The following HDAC9 variants were observed in gnomAD, a reference collection of about 807,000 sequenced individuals.
The protein encoded by HDAC9 is histone deacetylase 9.
In HDAC9, 41 loss-of-function variants were observed where a neutral mutation model predicts 139.4. That is an observed-to-expected ratio of 0.29 (90% confidence interval 0.23 to 0.38). The LOEUF is 0.38. Among genes scored for constraint, HDAC9 ranks in the 10% least tolerant of loss-of-function variants. HDAC9 has a pLI of 1.00. For missense variants in HDAC9, 1,147 were observed against 1,297.0 expected (o/e 0.88, Z 1.78); for synonymous variants, 517 against 476.2 (o/e 1.09, Z -1.12).
chr7:18,944,287 T>A (rs1489873449), intron 23 of HDAC9, among the ~76,000 whole-genome samples: 1 of 152,210 alleles, frequency 6.6e-6, no homozygotes. Flanking sequence ...TCTTTGACTC[T>A]GACAACTGAA....
chr7:18,779,575 G>A (rs1018148207), intron 16 of HDAC9, among the ~76,000 whole-genome samples: 5 of 152,014 alleles, frequency 3.3e-5, no homozygotes, highest in African/African-American at 1.2e-4. Context: ...GCCTGAGTCT[G>A]AGAAACCAGC....
Position 18,666,300 on chromosome 7 carries a change from C to A in HDAC9, c.1555C>A (p.Gln519Lys). The change falls in exon 12 of 26, where the codon CAG becomes AAG. Residue 519 changes from glutamine to lysine, a missense_variant. By Grantham distance (53) the Gln-to-Lys change is moderately conservative. Coordinates refer to ENST00000686413, the MANE Select transcript of HDAC9 (RefSeq NM_178425.4). ...EEELQGDQAMQEDRAPSSGNS... is the reference protein window; with the variant it reads ...EEELQGDQAMKEDRAPSSGNS... The stretch of plus-strand genomic sequence containing the variant: ...AGAGCTTCAGGGGGACCAGGCGATG[C>A]AGGAAGACAGAGCGCCCTCTAGTGG... The A allele has an allele frequency of 5.6e-6, 9 of 1,613,458 alleles. No homozygotes were observed. The highest frequency in any genetic ancestry group is 7.6e-6 in the Non-Finnish European group (9 of 1,179,592).
intron 2 of HDAC9, among the ~76,000 whole-genome samples, chr7:18,207,149 G>C (rs1317421017): frequency 2.0e-5 from 3 of 151,866 alleles, no homozygotes; most frequent in African/African-American, 7.3e-5. Flanking sequence ...TGTTGCCCAG[G>C]GTGGTCTCGA....
intron 1 of HDAC9, among the ~76,000 whole-genome samples, chr7:18,334,264 AGT>A (rs1426656138): frequency 6.6e-6 from 1 of 151,428 alleles, no homozygotes; most frequent in Non-Finnish European, 1.5e-5. Context: ...TATAGGCAAA[AGT>A]GTAAGTATAA....
chr7:18,642,444 GC>G (rs1486157282), intron 8 of HDAC9, among the ~76,000 whole-genome samples: 2 of 152,118 alleles, frequency 1.3e-5, no homozygotes, highest in African/African-American at 4.8e-5. Context: ...AAATCTCATA[GC>G]CTTGGTCAGT....
chr7:18,911,100 C>T (rs1209101352), intron 22 of HDAC9, among the ~76,000 whole-genome samples: 1 of 146,058 alleles, frequency 6.8e-6, no homozygotes, highest in Non-Finnish European at 1.5e-5. Flanking sequence ...TGTTGGGAGA[C>T]TTTTTATTAC....
chr7:18,174,021 C>T (rs756194818), intron 2 of HDAC9, among the ~76,000 whole-genome samples: 22 of 152,148 alleles, frequency 1.4e-4, no homozygotes, highest in Non-Finnish European at 2.9e-4. Context: ...AAGTTCTCCT[C>T]GATAATATCC....
chr7:18,582,518 A>ATTT (rs776229512), intron 2 of HDAC9, among the ~76,000 whole-genome samples: 1 of 151,584 alleles, frequency 6.6e-6, no homozygotes, highest in African/African-American at 2.4e-5. Context: ...ATATATATAT[A>ATTT]TATTTTTTAA....
intron 22 of HDAC9, chr7:18,892,195 G>A (rs1800743657): frequency 6.6e-6 from 1 of 152,184 alleles, no homozygotes; most frequent in Admixed American, 6.5e-5. Context: ...GATGTCTTCA[G>A]TCGTCATCTG....
At chr7:18,734,668 C>T (rs562182245) in intron 13 of HDAC9, among the ~76,000 whole-genome samples, 2 of 152,254 alleles carry the variant, frequency 1.3e-5, no homozygotes, top group South Asian at 4.2e-4. Context: ...CCAGGTCTTT[C>T]CTGTTGTGAA....
intron 21 of HDAC9, among the ~76,000 whole-genome samples, chr7:18,873,689 T>C (rs971258494): frequency 2.0e-5 from 3 of 152,186 alleles, no homozygotes; most frequent in African/African-American, 7.2e-5. Flanking sequence ...TTTTTGAAAT[T>C]TGAATTTTTA....
intron 21 of HDAC9, among the ~76,000 whole-genome samples, chr7:18,846,000 C>T: frequency 6.6e-6 from 1 of 152,094 alleles, no homozygotes; most frequent in Admixed American, 6.6e-5. Flanking sequence ...TAGTGGGCTT[C>T]CTGGGGTGTG....
intron 2 of HDAC9, among the ~76,000 whole-genome samples, chr7:18,583,961 T>C (rs1441470976): frequency 6.6e-6 from 1 of 152,082 alleles, no homozygotes; most frequent in African/African-American, 2.4e-5. Context: ...TACACTGAAC[T>C]ACAGAATTTT....
At chr7:18,596,137 T>A (rs1275015192) in intron 6 of HDAC9, among the ~76,000 whole-genome samples, 1 of 152,016 alleles carries the variant, frequency 6.6e-6, no homozygotes, top group Non-Finnish European at 1.5e-5. Context: ...TCCTTTTATG[T>A]TGAAAATCTG....
chr7:18,477,050 CA>C (rs1795165417), intron 1 of HDAC9, among the ~76,000 whole-genome samples: 2 of 152,170 alleles, frequency 1.3e-5, no homozygotes, highest in Non-Finnish European at 2.9e-5. Flanking sequence ...TGGTACTGAA[CA>C]CCCTCTCCTC....
At chr7:18,565,815 G>A (rs547030210) in intron 2 of HDAC9, among the ~76,000 whole-genome samples, 102 of 151,626 alleles carry the variant, frequency 6.7e-4, no homozygotes, top group Middle Eastern at 3.4e-3. Context: ...AAGAAAGAAA[G>A]AAAAGTATTC....
intron 22 of HDAC9, among the ~76,000 whole-genome samples, chr7:18,917,345 A>G (rs1430767700): frequency 1.3e-5 from 2 of 151,982 alleles, no homozygotes; most frequent in African/African-American, 4.8e-5. Context: ...TTTTCAGTAA[A>G]TACTACTGTG....
At chr7:18,767,377 AC>A (rs1312811824) in intron 16 of HDAC9, among the ~76,000 whole-genome samples, 1 of 152,142 alleles carries the variant, frequency 6.6e-6, no homozygotes, top group Non-Finnish European at 1.5e-5. Context: ...ACAGAATTAA[AC>A]CAAGAGCAAG....
At chr7:18,499,498 C>G (rs1797813616) in intron 2 of HDAC9, among the ~76,000 whole-genome samples, 1 of 152,090 alleles carries the variant, frequency 6.6e-6, no homozygotes, top group African/African-American at 2.4e-5. Flanking sequence ...AAGTACATCC[C>G]TACTTTTGTG....
Sources: allele counts gnomAD v4.1 joint callset (sites outside exome capture counted in the v4.1 genomes callset), GRCh38; gene constraint gnomAD v4.1.1; transcripts MANE v1.5; gene names NCBI Gene and HGNC (gene_info 2026-07-23, HGNC 2026-07-21).